Variants in ASAP1 observed in about 807,000 individuals in gnomAD.
ASAP1 encodes the protein arf-GAP with SH3 domain, ANK repeat and PH domain-containing protein 1.
ASAP1 carries 43 observed loss-of-function variants against 145.2 expected under a neutral mutation model. The observed-to-expected ratio is 0.30, with a 90% CI of 0.23 to 0.38. ASAP1 has a LOEUF of 0.38. Among genes scored for constraint, ASAP1 ranks in the 10% least tolerant of loss-of-function variants. The pLI is 1.00. For missense variants in ASAP1, 1,018 were observed against 1,355.3 expected, an observed-to-expected ratio of 0.75 and a Z score of 3.91; for synonymous variants, 546 against 515.5, an observed-to-expected ratio of 1.06 and a Z score of -0.80.
intron 24 of ASAP1, among the ~76,000 whole-genome samples, chr8:130,103,503 TA>T (rs1167636247): frequency 1.3e-5 from 2 of 151,064 alleles, no homozygotes; most frequent in Non-Finnish European, 3.0e-5. Context: ...TTGACATTTT[TA>T]TTTTTTTATT....
chr8:130,273,485 C>T (rs1820702393), intron 3 of ASAP1, among the ~76,000 whole-genome samples: 1 of 152,156 alleles, frequency 6.6e-6, no homozygotes, highest in Non-Finnish European at 1.5e-5. Context: ...TAAACCACAT[C>T]CAATACACTG....
At chr8:130,202,846 C>G (rs115062893) in intron 5 of ASAP1, among the ~76,000 whole-genome samples, 136 of 152,222 alleles carry the variant, frequency 8.9e-4, no homozygotes, top group African/African-American at 2.9e-3. Flanking sequence ...AGTTGCTTAA[C>G]ATATCTGTGG....
chr8:130,310,963 G>GGCA (rs1455547870), intron 3 of ASAP1, among the ~76,000 whole-genome samples: 2 of 152,180 alleles, frequency 1.3e-5, no homozygotes, highest in Non-Finnish European at 2.9e-5. Flanking sequence ...CTACTAAGGC[G>GGCA]GCAGTGTTTC....
Position 130,358,794 on chromosome 8 carries a change from A to G in ASAP1, c.60-651T>C, listed in dbSNP as rs1355676936. 1.4e-5 allele frequency among the ~76,000 whole-genome samples: 2 copies of G among 146,670 alleles called. No homozygotes were observed. The highest frequency in any genetic ancestry group is 3.0e-5 in the Non-Finnish European group (2 of 66,452). On this transcript the variant is annotated intron_variant, in intron 2 of 29. Coordinates refer to ENST00000518721, the MANE Select transcript of ASAP1 (RefSeq NM_018482.4). This position sits in a 1 kb window ranked among gnomAD's most constrained non-coding sequence, Gnocchi z 4.1. Reference sequence around the variant, plus strand: ...GCACAGCCCCTGGGGCCTGGCTCCGAAGCTGCCGCTCCCGACCCCGGCTGC... The same window carrying G: ...GCACAGCCCCTGGGGCCTGGCTCCGGAGCTGCCGCTCCCGACCCCGGCTGC...
chr8:130,194,545 T>A (rs1013079854), intron 5 of ASAP1, among the ~76,000 whole-genome samples: 2 of 152,220 alleles, frequency 1.3e-5, no homozygotes, highest in African/African-American at 4.8e-5. Flanking sequence ...TCAGGAATCC[T>A]TTATATTAGC....
intron 13 of ASAP1, among the ~76,000 whole-genome samples, chr8:130,147,218 A>G: frequency 6.6e-6 from 1 of 151,656 alleles, no homozygotes; most frequent in African/African-American, 2.4e-5. Context: ...AAAAAAAAAA[A>G]AAAAAAAAAG....
chr8:130,188,723 CAAA>C (rs370580190), intron 5 of ASAP1, among the ~76,000 whole-genome samples: 269 of 83,826 alleles, frequency 3.2e-3, no homozygotes, highest in African/African-American at 0.012. Context: ...GAGACTCTCT[CAAA>C]AAAAAAAAAA....
At chr8:130,195,773 T>C (rs1815442728) in intron 5 of ASAP1, among the ~76,000 whole-genome samples, 1 of 152,222 alleles carries the variant, frequency 6.6e-6, no homozygotes, top group African/African-American at 2.4e-5. Context: ...TAGCCGTTTA[T>C]TCCTTACAAT....
intron 19 of ASAP1, 63 bp downstream of exon 19, chr8:130,118,425 TA>T (rs1352578872): frequency 2.6e-6 from 4 of 1,510,464 alleles, no homozygotes; most frequent in East Asian, 4.5e-5. Context: ...AATGTTAAAA[TA>T]AGTCACCTTT....
intron 24 of ASAP1, among the ~76,000 whole-genome samples, chr8:130,107,463 G>A (rs1050466235): frequency 2.0e-5 from 3 of 150,994 alleles, no homozygotes; most frequent in Admixed American, 2.0e-4. Context: ...GGGATTACAG[G>A]TGTGAGCCAC....
intron 27 of ASAP1, among the ~76,000 whole-genome samples, chr8:130,074,673 C>CG (rs1178646829): frequency 1.3e-5 from 2 of 152,076 alleles, no homozygotes; most frequent in Admixed American, 1.3e-4. Context: ...CTTAGGACCA[C>CG]GGCCACCATG....
intron 1 of ASAP1, among the ~76,000 whole-genome samples, chr8:130,424,633 T>C (rs953613955): frequency 1.3e-5 from 2 of 152,138 alleles, no homozygotes; most frequent in East Asian, 1.9e-4. Flanking sequence ...CATTCATTCA[T>C]TTAAAAGAGC....
At chr8:130,266,527 A>G (rs934866129) in intron 3 of ASAP1, among the ~76,000 whole-genome samples, 8 of 152,094 alleles carry the variant, frequency 5.3e-5, no homozygotes, top group Admixed American at 3.3e-4. Flanking sequence ...ATGCAAAACC[A>G]CTCTGGAAGG....
intron 15 of ASAP1, among the ~76,000 whole-genome samples, chr8:130,133,152 A>T (rs948526535): frequency 1.3e-4 from 20 of 152,120 alleles, no homozygotes; most frequent in Non-Finnish European, 2.1e-4. Context: ...TAGAAATAAA[A>T]AAAAAAAAAG....
chr8:130,163,894 TTATTAATG>T (rs2097674731), intron 11 of ASAP1, among the ~76,000 whole-genome samples: 2 of 152,350 alleles, frequency 1.3e-5, no homozygotes, highest in South Asian at 4.1e-4. Flanking sequence ...TTTGAAAATC[TTATTAATG>T]TATAAAATGT....
intron 3 of ASAP1, among the ~76,000 whole-genome samples, chr8:130,248,236 G>A (rs896974402): frequency 2.0e-5 from 3 of 152,118 alleles, no homozygotes; most frequent in Non-Finnish European, 4.4e-5. Context: ...GGGTTGGAGG[G>A]GGGAGTGCGG....
At chr8:130,212,384 T>C (rs1005567410) in intron 5 of ASAP1, among the ~76,000 whole-genome samples, 8 of 152,182 alleles carry the variant, frequency 5.3e-5, no homozygotes, top group Non-Finnish European at 1.2e-4. Context: ...GGGCTGTAGC[T>C]TGAGGTATGT....
At chr8:130,408,442 C>T (rs10086773) in intron 1 of ASAP1, among the ~76,000 whole-genome samples, 62,391 of 151,928 alleles carry the variant, frequency 0.41, 14,114 homozygotes, top group African/African-American at 0.6. Context: ...TTTTTGGACA[C>T]TGGCGCTCCT....
intron 15 of ASAP1, among the ~76,000 whole-genome samples, chr8:130,133,623 T>A (rs2097586876): frequency 6.6e-6 from 1 of 150,486 alleles, no homozygotes; most frequent in Non-Finnish European, 1.5e-5. Context: ...GCCACTGCAG[T>A]CCGCAGTCCG....
Sources: allele counts gnomAD v4.1 joint callset (sites outside exome capture counted in the v4.1 genomes callset), GRCh38; gene constraint gnomAD v4.1.1; non-coding constraint Gnocchi (gnomAD v3.1); transcripts MANE v1.5; gene names NCBI Gene and HGNC (gene_info 2026-07-23, HGNC 2026-07-21).